ADARB2: variants seen among roughly 807,000 people sequenced by gnomAD.
ADARB2 encodes the protein adenosine deaminase RNA specific B2 (inactive).
ADARB2 carries 25 observed loss-of-function variants against 62.2 expected under a neutral mutation model. That is an observed-to-expected ratio of 0.40 (90% CI 0.29 to 0.56). ADARB2 has a LOEUF of 0.56. Among genes scored for constraint, ADARB2 ranks in the 20% least tolerant of loss-of-function variants. ADARB2 has a pLI of 0.43. For missense variants in ADARB2, 1,071 were observed against 1,077.4 expected, an observed-to-expected ratio of 0.99 and a Z score of 0.08; for synonymous variants, 572 against 500.8, an observed-to-expected ratio of 1.14 and a Z score of -1.90.
intron 1 of ADARB2, among the ~76,000 whole-genome samples, chr10:1,637,001 AGT>A (rs1833924801): frequency 6.6e-6 from 1 of 151,704 alleles, no homozygotes; most frequent in South Asian, 2.1e-4. Flanking sequence ...TTACAATAAC[AGT>A]CTTTCTTTTT....
At chr10:1,273,212 C>T (rs902319462) in intron 3 of ADARB2, among the ~76,000 whole-genome samples, 5 of 152,162 alleles carry the variant, frequency 3.3e-5, no homozygotes, top group Non-Finnish European at 7.3e-5. Context: ...CCTGCTGCAC[C>T]CTCGTTTACT....
chr10:1,612,011 G>T (rs1180121021), intron 1 of ADARB2, among the ~76,000 whole-genome samples: 2 of 152,126 alleles, frequency 1.3e-5, no homozygotes, highest in South Asian at 4.1e-4. Flanking sequence ...AAGGAATTAG[G>T]CAGAACTCAT....
chr10:1,296,521 A>G (rs1300081724), intron 3 of ADARB2, among the ~76,000 whole-genome samples: 4 of 152,116 alleles, frequency 2.6e-5, no homozygotes, highest in Non-Finnish European at 4.4e-5. Flanking sequence ...GAATTGAGGG[A>G]CAGGCCTGGT....
In ADARB2 at chr10:1,295,823, CTTCT is replaced by C. The variant is rs143171260; in HGVS notation, c.1078-24758_1078-24755del. Among the ~76,000 whole-genome samples, 457 of 152,268 alleles carry C rather than the reference CTTCT, an allele frequency of 3.0e-3. 2 individuals are homozygous for C. The highest frequency in any genetic ancestry group is 0.01 in the African/African-American group (422 of 41,536). On this transcript the variant is annotated intron_variant, in intron 3 of 9. Transcript: ENST00000381312. ...ATCATTGAATATGGGAGAAGTACAGCTTCTTTAAGACCCTGTTGATTCACAGACT... is the reference window on the plus strand; with the variant it reads ...ATCATTGAATATGGGAGAAGTACAGCTTAAGACCCTGTTGATTCACAGACT...
intron 4 of ADARB2, among the ~76,000 whole-genome samples, chr10:1,249,633 C>CACACACAT (rs1360246421): frequency 6.6e-6 from 1 of 151,788 alleles, no homozygotes; most frequent in African/African-American, 2.4e-5. Context: ...CACACACACA[C>CACACACAT]ACACACATAC....
intron 4 of ADARB2, among the ~76,000 whole-genome samples, chr10:1,258,656 C>T (rs1831103257): frequency 6.6e-6 from 1 of 152,142 alleles, no homozygotes; most frequent in Non-Finnish European, 1.5e-5. Context: ...AAAGCAAATC[C>T]TTAGTGACCT....
intron 3 of ADARB2, among the ~76,000 whole-genome samples, chr10:1,321,831 A>T (rs1287168314): frequency 1.3e-5 from 2 of 152,198 alleles, no homozygotes; most frequent in Non-Finnish European, 2.9e-5. Context: ...AAGGAGGCTA[A>T]GTAGGTTCCA....
chr10:1,504,403 A>G (rs905275642), intron 1 of ADARB2, among the ~76,000 whole-genome samples: 1 of 152,304 alleles, frequency 6.6e-6, no homozygotes, highest in African/African-American at 2.4e-5. Flanking sequence ...GAAATAATGC[A>G]TCTGGCGCTG....
intron 1 of ADARB2, among the ~76,000 whole-genome samples, chr10:1,657,970 TCTCTATCTCA>T: frequency 2.3e-5 from 2 of 87,142 alleles, no homozygotes; most frequent in African/African-American, 7.0e-5. Flanking sequence ...CCTCAGTCTC[TCTCTATCTCA>T]GTCTCTCTCT....
Position 1,502,791 on chromosome 10 carries a change from C to T in ADARB2, c.101-123631G>A, listed in dbSNP as rs201046371. ...CACAACACTTAGATGGAAAAAGAAACGGGATCATGTTGTCTGGTTATTGCA... is the reference window on the plus strand; with the variant it reads ...CACAACACTTAGATGGAAAAAGAAATGGGATCATGTTGTCTGGTTATTGCA... On this transcript the variant is annotated intron_variant, in intron 1 of 9. Coordinates refer to ENST00000381312, the MANE Select transcript of ADARB2 (RefSeq NM_018702.4). Among the ~76,000 whole-genome samples the T allele has an allele frequency of 3.9e-5, 6 of 152,274 alleles. No homozygotes were observed. The East Asian group carries it at 5.8e-4, about 15-fold the overall frequency.
intron 1 of ADARB2, among the ~76,000 whole-genome samples, chr10:1,440,219 T>C (rs1467067795): frequency 6.6e-6 from 1 of 152,192 alleles, no homozygotes; most frequent in Non-Finnish European, 1.5e-5. Context: ...ATGGGTCTCC[T>C]GAGTCTCCGC....
chr10:1,448,090 G>C (rs1830993757), intron 1 of ADARB2, among the ~76,000 whole-genome samples: 1 of 152,124 alleles, frequency 6.6e-6, no homozygotes, highest in Admixed American at 6.5e-5. Context: ...CAAACCTATA[G>C]GCTAAATTGA....
At chr10:1,242,597 CT>C (rs1265441662) in intron 4 of ADARB2, among the ~76,000 whole-genome samples, 2 of 152,220 alleles carry the variant, frequency 1.3e-5, no homozygotes, top group African/African-American at 2.4e-5. Flanking sequence ...TGAGGTCAAA[CT>C]TACTACCAGG....
At chr10:1,707,505 C>T (rs762158054) in intron 1 of ADARB2, among the ~76,000 whole-genome samples, 5 of 152,324 alleles carry the variant, frequency 3.3e-5, no homozygotes, top group Middle Eastern at 6.8e-3. Context: ...GCCTTTGAGA[C>T]GTCCTGATGC....
rs1358829976 is a variant in ADARB2 at position 1,200,006 on chromosome 10, C to G, written c.1824G>C (p.Gln608His). Residue 608 changes from glutamine to histidine, a missense_variant, in exon 8 of 10, where the codon CAG becomes CAC. Gln to His is a conservative substitution (Grantham distance 24). Coordinates refer to ENST00000381312, the MANE Select transcript of ADARB2 (RefSeq NM_018702.4). The part of the protein sequence containing the change: ...VMSHRMEGVG[Q>H]LPASYRHNRP... ...GGTTGTGCCGGTAGGAGGCGGGCAGCTGGCCGACACCCTCCATGCGGTGGC... is the reference window on the plus strand; with the variant it reads ...GGTTGTGCCGGTAGGAGGCGGGCAGGTGGCCGACACCCTCCATGCGGTGGC... The G allele has an allele frequency of 6.3e-7, 1 of 1,577,306 alleles. No homozygotes were observed. Among genetic ancestry groups the G allele is most frequent in the South Asian group, 1.1e-5 (1 of 88,560 alleles).
Position 1,704,456 on chromosome 10 carries a change from T to G in ADARB2, c.100+32595A>C, listed in dbSNP as rs1220790364. ...CTTACAAGCACAGTTAGCAATAGGA[T>G]CCCCACTCCTATAGGAATCTAATGC... On this transcript the variant is annotated intron_variant, in intron 1 of 9. Transcript: ENST00000381312. This position sits in a 1 kb window ranked among gnomAD's most constrained non-coding sequence, Gnocchi z 5.6. Among the ~76,000 whole-genome samples, 3 of 152,050 alleles carry G rather than the reference T, an allele frequency of 2.0e-5. No homozygotes were observed. Among genetic ancestry groups the G allele is most frequent in the Non-Finnish European group, 2.9e-5 (2 of 68,008 alleles).
intron 1 of ADARB2, among the ~76,000 whole-genome samples, chr10:1,520,072 A>T (rs1394753750): frequency 6.6e-6 from 1 of 152,228 alleles, no homozygotes; most frequent in Non-Finnish European, 1.5e-5. Context: ...CATATTTGCT[A>T]GTGTTTTCCA....
chr10:1,473,380 G>GTTT (rs1564300465), intron 1 of ADARB2, among the ~76,000 whole-genome samples: 1 of 152,000 alleles, frequency 6.6e-6, no homozygotes, highest in East Asian at 1.9e-4. Context: ...TGTTGTTGTT[G>GTTT]TTTTGTTTTG....
intron 3 of ADARB2, among the ~76,000 whole-genome samples, chr10:1,284,184 G>A (rs1831392945): frequency 6.6e-6 from 1 of 152,106 alleles, no homozygotes; most frequent in Non-Finnish European, 1.5e-5. Flanking sequence ...GGCAGAGATC[G>A]CTCCCACGTG....
Sources: gnomAD v4.1 joint callset for allele counts (sites outside exome capture counted in the v4.1 genomes callset) on GRCh38, gnomAD v4.1.1 for gene constraint, Gnocchi (gnomAD v3.1) non-coding constraint, MANE v1.5 for transcripts, NCBI Gene and HGNC (gene_info 2026-07-23, HGNC 2026-07-21) for gene names.